The following PPP2R5E variants were observed in gnomAD, a reference collection of about 807,000 sequenced individuals.
The protein encoded by PPP2R5E is protein phosphatase 2 regulatory subunit B'epsilon.
PPP2R5E carries 4 observed loss-of-function variants against 65.3 expected under a neutral mutation model. The ratio of observed to expected loss-of-function variants is 0.06; its 90% CI spans 0.03 to 0.14. The LOEUF (loss-of-function observed/expected upper bound fraction) is 0.14. PPP2R5E is among the 10% of genes least tolerant of loss of function. The pLI is 1.00. For missense variants in PPP2R5E, 274 were observed against 556.1 expected (o/e 0.49, Z 5.10); for synonymous variants, 183 against 187.4 (o/e 0.98, Z 0.19).
chr14:63,379,771 T>A (rs78708517), intron 13 of PPP2R5E, among the ~76,000 whole-genome samples: 3,197 of 149,704 alleles, frequency 0.021, 125 homozygotes, highest in African/African-American at 0.075. Flanking sequence ...TGAAGTTCAC[T>A]AAATACAAAC....
chr14:63,528,908 A>T (rs1271449802), intron 2 of PPP2R5E, among the ~76,000 whole-genome samples: 2 of 152,200 alleles, frequency 1.3e-5, no homozygotes, highest in African/African-American at 4.8e-5. Flanking sequence ...TCTACACAGA[A>T]GATCATATTT....
intron 1 of PPP2R5E, among the ~76,000 whole-genome samples, chr14:63,540,159 G>A (rs1433588474): frequency 4.4e-5 from 6 of 135,118 alleles, no homozygotes; most frequent in South Asian, 4.8e-4. Flanking sequence ...GGCTGGGCCC[G>A]GTGGCTCACA....
chr14:63,400,425 G>C (rs2139815268), intron 5 of PPP2R5E, among the ~76,000 whole-genome samples: 1 of 152,290 alleles, frequency 6.6e-6, no homozygotes, highest in South Asian at 2.1e-4. Context: ...TTAGAAGTGG[G>C]ATATGAGTGC....
Position 63,449,527 on chromosome 14 carries a change from A to G in PPP2R5E, c.354+4162T>C, listed in dbSNP as rs563180750. 2.0e-5 allele frequency among the ~76,000 whole-genome samples: 3 copies of G among 152,358 alleles called. 1 individual carries two copies. Among genetic ancestry groups the G allele is most frequent in the African/African-American group, 7.2e-5 (3 of 41,582 alleles). ...GTGACCAGCACCAGGATGTATATAT[A>G]CAATGGGCTTAGAGGGAATGAGGGC... On this transcript the variant is annotated intron_variant, in intron 3 of 13. Coordinates refer to ENST00000337537, the MANE Select transcript of PPP2R5E (RefSeq NM_006246.5).
intron 2 of PPP2R5E, among the ~76,000 whole-genome samples, chr14:63,482,860 A>G (rs1179132729): frequency 2.0e-5 from 3 of 152,184 alleles, no homozygotes; most frequent in Admixed American, 2.0e-4. Context: ...ACAAGTACAC[A>G]TTCCTTGAAC....
intron 5 of PPP2R5E, among the ~76,000 whole-genome samples, chr14:63,407,561 AT>A (rs1886158158): frequency 6.6e-6 from 1 of 152,034 alleles, no homozygotes; most frequent in South Asian, 2.1e-4. Flanking sequence ...TTTTTTTTAT[AT>A]AAAAAATAGA....
chr14:63,519,979 T>C (rs557559618), intron 2 of PPP2R5E, among the ~76,000 whole-genome samples: 56 of 150,764 alleles, frequency 3.7e-4, no homozygotes, highest in Admixed American at 3.7e-3. Context: ...AAACTCTTAA[T>C]TCAGTCTTGA....
chr14:63,413,605 CA>C (rs753832379), intron 5 of PPP2R5E, among the ~76,000 whole-genome samples: 2 of 152,148 alleles, frequency 1.3e-5, no homozygotes, highest in Non-Finnish European at 2.9e-5. Flanking sequence ...GACTGTTGTA[CA>C]AATCAACTAA....
At chr14:63,520,470 C>G (rs1892855670) in intron 2 of PPP2R5E, among the ~76,000 whole-genome samples, 1 of 152,200 alleles carries the variant, frequency 6.6e-6, no homozygotes, top group Admixed American at 6.6e-5. Context: ...TTTGTCTGTT[C>G]AGGTGATTAA....
At chr14:63,413,343 T>G (rs757892816) in intron 5 of PPP2R5E, among the ~76,000 whole-genome samples, 1 of 152,172 alleles carries the variant, frequency 6.6e-6, no homozygotes, top group Non-Finnish European at 1.5e-5. Flanking sequence ...CTTAGGCACA[T>G]TAATTCACAA....
At chr14:63,506,294 CA>C (rs1274356529) in intron 2 of PPP2R5E, among the ~76,000 whole-genome samples, 1 of 151,684 alleles carries the variant, frequency 6.6e-6, no homozygotes, top group Non-Finnish European at 1.5e-5. Flanking sequence ...ACTAAAAATA[CA>C]AAAAAATTAG....
intron 2 of PPP2R5E, among the ~76,000 whole-genome samples, chr14:63,536,717 C>T (rs1048129788): frequency 2.0e-5 from 3 of 152,180 alleles, no homozygotes; most frequent in Non-Finnish European, 4.4e-5. Context: ...CTGACACCTG[C>T]TACAACAGAG....
chr14:63,440,555 A>G (rs1466920496), intron 3 of PPP2R5E, among the ~76,000 whole-genome samples: 1 of 152,114 alleles, frequency 6.6e-6, no homozygotes, highest in Non-Finnish European at 1.5e-5. Context: ...AACATAGCAC[A>G]GAGGCAAGAC....
chr14:63,480,378 T>C (rs140840478), intron 2 of PPP2R5E, among the ~76,000 whole-genome samples: 1,870 of 152,146 alleles, frequency 0.012, 36 homozygotes, highest in African/African-American at 0.043. Context: ...ATTGCTTGAA[T>C]CTGGGAGGCA....
intron 3 of PPP2R5E, among the ~76,000 whole-genome samples, chr14:63,444,190 A>C (rs2139442506): frequency 6.6e-6 from 1 of 152,310 alleles, no homozygotes; most frequent in African/African-American, 2.4e-5. Flanking sequence ...CACTGTAACA[A>C]CGTAGCATGA....
intron 3 of PPP2R5E, among the ~76,000 whole-genome samples, chr14:63,430,185 G>C (rs1887560254): frequency 6.6e-6 from 1 of 152,014 alleles, no homozygotes. Flanking sequence ...AAACACCTAA[G>C]ACTATTTTCA....
chr14:63,521,716 G>A (rs1488970068), intron 2 of PPP2R5E, among the ~76,000 whole-genome samples: 1 of 152,148 alleles, frequency 6.6e-6, no homozygotes, highest in South Asian at 2.1e-4. Context: ...GGAGAGACAA[G>A]TGCAGATGGA....
intron 5 of PPP2R5E, among the ~76,000 whole-genome samples, chr14:63,407,984 G>A (rs1886184557): frequency 6.6e-6 from 1 of 152,170 alleles, no homozygotes; most frequent in Non-Finnish European, 1.5e-5. Context: ...CCAGTCTGAG[G>A]CATTTTGTTA....
At chr14:63,473,515 G>A (rs1890236104) in intron 2 of PPP2R5E, among the ~76,000 whole-genome samples, 1 of 152,204 alleles carries the variant, frequency 6.6e-6, no homozygotes. Flanking sequence ...GTAAAGCTCT[G>A]AGACATTTCC....
Sources: allele counts gnomAD v4.1 joint callset (sites outside exome capture counted in the v4.1 genomes callset), GRCh38; gene constraint gnomAD v4.1.1; transcripts MANE v1.5; gene names NCBI Gene and HGNC (gene_info 2026-07-23, HGNC 2026-07-21).